ABL1: variants seen among roughly 807,000 people sequenced by gnomAD.
The protein encoded by ABL1 is ABL proto-oncogene 1, non-receptor tyrosine kinase.
A neutral mutation model predicts 94.7 loss-of-function variants in ABL1; 11 were observed. The ratio of observed to expected loss-of-function variants is 0.12; its 90% confidence interval spans 0.07 to 0.19. ABL1 has a LOEUF of 0.19. Among genes scored for constraint, ABL1 ranks in the 10% least tolerant of loss-of-function variants. The probability of loss-of-function intolerance (pLI) is 1.00; values close to 1 mark genes in which losing one functional copy is unlikely to be tolerated. For missense variants in ABL1, 1,082 were observed against 1,489.4 expected (o/e 0.73, Z 4.50); for synonymous variants, 656 against 622.4 (o/e 1.05, Z -0.80).
rs769147225 is a variant in ABL1 at position 130,884,379 on chromosome 9, C to A, written c.2089C>A (p.Arg697Ser). The change falls in exon 11 of 11, where the codon CGC becomes AGC. Residue 697 changes from arginine to serine, a missense_variant. Transcript: ENST00000318560. This position sits in a 1 kb window ranked among gnomAD's most constrained non-coding sequence, Gnocchi z 5.6. ...WKKSSTLTSS[R>S]LATGEEEGGG... ...GAAGTCCAGCACGCTGACCAGCAGC[C>A]GCCTAGCCACCGGCGAGGAGGAGGG... The A allele has an allele frequency of 6.2e-7, 1 of 1,611,934 alleles. No individual in the cohort carries two copies. Among genetic ancestry groups the A allele is most frequent in the Non-Finnish European group, 8.5e-7 (1 of 1,179,814 alleles).
In ABL1 at chr9:130,863,312, A is replaced by C. The variant is rs185569774; in HGVS notation, c.822+277A>C. 6.6e-6 allele frequency among the ~76,000 whole-genome samples: 1 copy of C among 152,224 alleles called. No individual in the cohort carries two copies. The highest frequency in any genetic ancestry group is 1.9e-4 in the East Asian group (1 of 5,178). On this transcript the variant is annotated intron_variant, in intron 4 of 10. Coordinates refer to ENST00000318560, the MANE Select transcript of ABL1 (RefSeq NM_005157.6). The surrounding 1 kb of genome is among the most constrained non-coding windows in gnomAD (Gnocchi z 4.3). ...TCATTTGGAGAGGTTTTCTCATTTT[A>C]TGGCAAGGTTCTTTTAAAGCCGTGG...
Position 130,886,650 on chromosome 9 carries a change from G to A in ABL1, c.*967G>A, listed in dbSNP as rs1831589015. 4 of 233,596 alleles carry A rather than the reference G, an allele frequency of 1.7e-5. No individual in the cohort carries two copies. Among genetic ancestry groups the A allele is most frequent in the African/African-American group, 8.8e-5 (4 of 45,354 alleles). 14.5% of individuals were successfully genotyped at this position (233,596 alleles called of 1,614,324 possible). On this transcript the variant is annotated 3_prime_UTR_variant, in exon 11 of 11. Coordinates refer to ENST00000318560, the MANE Select transcript of ABL1 (RefSeq NM_005157.6). Reference sequence around the variant, plus strand: ...GAACCGTCCTTTCACACATCTGGGTGCCCTGAAAGGGCCCTTCCCCTCCCC... The same window carrying A: ...GAACCGTCCTTTCACACATCTGGGTACCCTGAAAGGGCCCTTCCCCTCCCC...
At chr9:130,828,867 T>A (rs1222573791) in intron 1 of ABL1, among the ~76,000 whole-genome samples, 1 of 152,048 alleles carries the variant, frequency 6.6e-6, no homozygotes, top group Non-Finnish European at 1.5e-5. Context: ...ATTTCAGAGT[T>A]TAGTGAAGTG....
At chr9:130,821,957 A>G (rs183382850) in intron 1 of ABL1, among the ~76,000 whole-genome samples, 2,502 of 151,614 alleles carry the variant, frequency 0.017, 59 homozygotes, top group African/African-American at 0.058. Context: ...CTCCCGCCTC[A>G]GCCTCCCAAG....
At chr9:130,751,211 G>A (rs1831962507) in intron 1 of ABL1, among the ~76,000 whole-genome samples, 1 of 124,120 alleles carries the variant, frequency 8.1e-6, no homozygotes, top group East Asian at 2.7e-4. Flanking sequence ...GCGCGATCTC[G>A]GCTCACTGCA....
At chr9:130,818,386 C>T (rs1227897682) in intron 1 of ABL1, among the ~76,000 whole-genome samples, 2 of 152,184 alleles carry the variant, frequency 1.3e-5, no homozygotes, top group Non-Finnish European at 2.9e-5. Flanking sequence ...AGGAGAATCA[C>T]TTGAACCCTG....
intron 10 of ABL1, 62 bp from the exon 11 acceptor site, chr9:130,883,907 G>A (rs1471270276): frequency 6.5e-6 from 10 of 1,531,534 alleles, no homozygotes; most frequent in South Asian, 1.3e-5. Context: ...GGGTTCAAGC[G>A]ATTCTCCTCT....
chr9:130,829,991 A>G (rs1830475460), intron 1 of ABL1, among the ~76,000 whole-genome samples: 1 of 152,208 alleles, frequency 6.6e-6, no homozygotes, highest in Admixed American at 6.5e-5. Context: ...GGAAACATAC[A>G]GGGGAAAGGG....
At chr9:130,784,767 G>A (rs963914232) in intron 1 of ABL1, among the ~76,000 whole-genome samples, 7 of 152,188 alleles carry the variant, frequency 4.6e-5, no homozygotes, top group African/African-American at 1.7e-4. Context: ...TGCAGCAGAT[G>A]TCATGGCTTC....
chr9:130,724,620 G>A (rs560645539), intron 1 of ABL1, among the ~76,000 whole-genome samples: 4 of 151,848 alleles, frequency 2.6e-5, no homozygotes, highest in South Asian at 4.2e-4. Context: ...GACCAGCCTG[G>A]CCAACATGGT....
intron 1 of ABL1, among the ~76,000 whole-genome samples, chr9:130,735,873 T>C (rs1831728497): frequency 6.7e-6 from 1 of 148,996 alleles, no homozygotes; most frequent in South Asian, 2.1e-4. Flanking sequence ...ATAGCTACCA[T>C]TTTGCGTATG....
At chr9:130,876,920 G>A (rs945407306) in intron 7 of ABL1, among the ~76,000 whole-genome samples, 2 of 145,668 alleles carry the variant, frequency 1.4e-5, no homozygotes, top group African/African-American at 5.3e-5. Flanking sequence ...TTCTATTTTT[G>A]TAGAGACGGG....
At chr9:130,845,508 A>T (rs1830753666) in intron 1 of ABL1, among the ~76,000 whole-genome samples, 1 of 151,940 alleles carries the variant, frequency 6.6e-6, no homozygotes, top group African/African-American at 2.4e-5. Flanking sequence ...CGCCCAGCTA[A>T]TTGTTGTATT....
rs1386882545 is a variant in ABL1 at position 130,872,921 on chromosome 9, C to A, written c.969C>A (p.Leu323=). The A allele has an allele frequency of 1.1e-5, 17 of 1,614,074 alleles. No homozygotes were observed. The highest frequency in any genetic ancestry group is 1.7e-5 in the Admixed American group (1 of 60,002). The part of the protein sequence containing the change: ...IITEFMTYGN[L]LDYLRECNRQ... ...CTGAGTTCATGACCTACGGGAACCT[C>A]CTGGACTACCTGAGGGAGTGCAACC... The change falls in exon 6 of 11, where the codon CTC becomes CTA. Residue 323 remains leucine (L), a synonymous_variant. Coordinates refer to ENST00000318560, the MANE Select transcript of ABL1 (RefSeq NM_005157.6). The surrounding 1 kb of genome is among the most constrained non-coding windows in gnomAD (Gnocchi z 5.0).
chr9:130,805,326 C>G (rs922622815), intron 1 of ABL1, among the ~76,000 whole-genome samples: 1 of 152,222 alleles, frequency 6.6e-6, no homozygotes, highest in Non-Finnish European at 1.5e-5. Context: ...GATTCACCCA[C>G]CTCGGCCTCC....
At chr9:130,776,471 GGAGGCT>G in intron 1 of ABL1, among the ~76,000 whole-genome samples, 1 of 152,210 alleles carries the variant, frequency 6.6e-6, no homozygotes, top group Admixed American at 6.5e-5. Context: ...TGGCTACTTG[GGAGGCT>G]GAGGCAGGAG....
rs1446996624 is a variant in ABL1, at chr9:130,887,090, G to A, written c.*1407G>A. The A allele has an allele frequency of 4.3e-6, 1 of 233,050 alleles. No homozygotes were observed. Among genetic ancestry groups the A allele is most frequent in the Non-Finnish European group, 8.5e-6 (1 of 117,966 alleles). 14.4% of individuals were successfully genotyped at this position (233,050 alleles called of 1,614,324 possible). A position where few individuals can be genotyped will look rare whatever the true frequency, so the allele number is the denominator to read the frequency against. On this transcript the variant is annotated 3_prime_UTR_variant, in exon 11 of 11. Coordinates refer to ENST00000318560, the MANE Select transcript of ABL1 (RefSeq NM_005157.6). ...AGGGACCCGGGGTCTCCTGGACCTT[G>A]ACAGAGCAGCTAACTCCGAGAGCAG...
rs563893538 is a variant in ABL1, at chr9:130,772,749, G to C, written c.136+58294G>C. 4.6e-5 allele frequency among the ~76,000 whole-genome samples: 7 copies of C among 152,288 alleles called. No homozygotes were observed. The South Asian group carries it at 1.4e-3, about 32-fold the overall frequency. On this transcript the variant is annotated intron_variant, in intron 1 of 10. Coordinates refer to the ABL1 transcript ENST00000372348. ...GGGAAGAGGAAAACGCAGGGCACAG[G>C]GATTAGGTGAGGATCCAACTGAATG...
At chr9:130,766,306 A>T (rs1832182591) in intron 1 of ABL1, among the ~76,000 whole-genome samples, 1 of 152,188 alleles carries the variant, frequency 6.6e-6, no homozygotes, top group Admixed American at 6.5e-5. Flanking sequence ...GTCAGGACAG[A>T]TGCCTTACTG....
Sources: allele counts gnomAD v4.1 joint callset (sites outside exome capture counted in the v4.1 genomes callset), GRCh38; gene constraint gnomAD v4.1.1; non-coding constraint Gnocchi (gnomAD v3.1); transcripts MANE v1.5; gene names NCBI Gene and HGNC (gene_info 2026-07-23, HGNC 2026-07-21).